Variants in RALYL observed in about 807,000 individuals in gnomAD.
RALYL encodes RALY RNA binding protein like.
In RALYL, 29 loss-of-function variants were observed where a neutral mutation model predicts 35.1. That is an observed-to-expected ratio of 0.83 (90% CI 0.61 to 1.13). The LOEUF (loss-of-function observed/expected upper bound fraction) is 1.13. RALYL is among the 50% of genes most tolerant of loss of function. The probability of loss-of-function intolerance (pLI) is 0.00; values close to 1 mark genes in which losing one functional copy is unlikely to be tolerated. For synonymous variants in RALYL, 120 were observed against 127.6 expected (o/e 0.94, Z 0.40); for missense variants, 359 against 360.4 (o/e 1.00, Z 0.03).
chr8:84,377,952 T>G (rs1200129948), intron 1 of RALYL, among the ~76,000 whole-genome samples: 2 of 152,024 alleles, frequency 1.3e-5, no homozygotes, highest in East Asian at 1.9e-4. Flanking sequence ...TGTGAAATTT[T>G]CCTATGATTT....
chr8:84,361,954 T>C (rs1047177312), intron 1 of RALYL, among the ~76,000 whole-genome samples: 1 of 152,132 alleles, frequency 6.6e-6, no homozygotes, highest in Non-Finnish European at 1.5e-5. Flanking sequence ...AAATACTGAA[T>C]CTCTGCTCCT....
intron 1 of RALYL, among the ~76,000 whole-genome samples, chr8:84,204,761 C>T (rs955626016): frequency 2.6e-5 from 4 of 152,132 alleles, no homozygotes; most frequent in African/African-American, 9.7e-5. Flanking sequence ...TTTATATAAT[C>T]ATTCCAAAAA....
At chr8:84,496,273 TG>T (rs1159185813) in intron 1 of RALYL, among the ~76,000 whole-genome samples, 1 of 152,138 alleles carries the variant, frequency 6.6e-6, no homozygotes, top group Non-Finnish European at 1.5e-5. Flanking sequence ...CTCATCTACA[TG>T]TGAATAAGCA....
chr8:84,301,546 T>C lies in RALYL; in HGVS notation c.-24+117122T>C, dbSNP rs568024940. ...TAGTGCGAGGCCATAAAAATGACTG[T>C]ATGTTGAAACTCACAACGTGATCTT... On this transcript the variant is annotated intron_variant, in intron 1 of 8. Coordinates refer to ENST00000521268, the MANE Select transcript of RALYL (RefSeq NM_173848.7). 2.6e-5 allele frequency among the ~76,000 whole-genome samples: 4 copies of C among 152,220 alleles called. No homozygotes were observed. In the East Asian group the frequency reaches 7.7e-4, roughly 29 times the overall value.
chr8:84,223,173 C>T (rs1271118698), intron 1 of RALYL, among the ~76,000 whole-genome samples: 3 of 85,540 alleles, frequency 3.5e-5, no homozygotes, highest in African/African-American at 1.5e-4. Context: ...TTCCTCCCTT[C>T]CCTTCCCTTC....
At chr8:84,647,426 A>C (rs1012530799) in intron 2 of RALYL, among the ~76,000 whole-genome samples, 1 of 152,096 alleles carries the variant, frequency 6.6e-6, no homozygotes, top group Non-Finnish European at 1.5e-5. Context: ...GGACTGAATA[A>C]ACATGCCTGA....
At chr8:84,793,479 T>C (rs1431896069) in intron 3 of RALYL, among the ~76,000 whole-genome samples, 3 of 152,180 alleles carry the variant, frequency 2.0e-5, no homozygotes, top group Non-Finnish European at 4.4e-5. Flanking sequence ...AAACAAGACT[T>C]TGAATCCATC....
At chr8:84,377,519 A>G (rs1389472586) in intron 1 of RALYL, among the ~76,000 whole-genome samples, 1 of 131,606 alleles carries the variant, frequency 7.6e-6, no homozygotes, top group Non-Finnish European at 1.5e-5. Flanking sequence ...AGATGATACC[A>G]CTTTCATAGC....
At chr8:84,816,461 T>C (rs1040149413) in intron 4 of RALYL, among the ~76,000 whole-genome samples, 3 of 152,204 alleles carry the variant, frequency 2.0e-5, no homozygotes, top group African/African-American at 7.2e-5. Context: ...TTTTCATAAG[T>C]AGCTTTATAT....
At chr8:84,824,247 C>A (rs1829153654) in intron 4 of RALYL, among the ~76,000 whole-genome samples, 1 of 125,126 alleles carries the variant, frequency 8.0e-6, no homozygotes, top group African/African-American at 3.1e-5. Flanking sequence ...AATGTAATCC[C>A]ATTTACAATA....
At chr8:84,503,856 T>A (rs2056930515) in intron 1 of RALYL, among the ~76,000 whole-genome samples, 1 of 137,984 alleles carries the variant, frequency 7.2e-6, no homozygotes, top group Non-Finnish European at 1.6e-5. Flanking sequence ...AGAGCAAGAC[T>A]CTGTCTCAAA....
At chr8:84,259,901 G>A (rs937693226) in intron 1 of RALYL, among the ~76,000 whole-genome samples, 6 of 152,156 alleles carry the variant, frequency 3.9e-5, no homozygotes, top group African/African-American at 1.2e-4. Flanking sequence ...CAAGAACGGA[G>A]ACCAGGCTGT....
At chr8:84,509,732 T>G (rs1218779087) in intron 1 of RALYL, among the ~76,000 whole-genome samples, 1 of 152,186 alleles carries the variant, frequency 6.6e-6, no homozygotes, top group East Asian at 1.9e-4. Flanking sequence ...ATTTTTTGTA[T>G]GTAGGTGTCC....
chr8:84,912,902 CT>C (rs1222187451), intron 8 of RALYL, among the ~76,000 whole-genome samples: 2 of 151,828 alleles, frequency 1.3e-5, no homozygotes, highest in Non-Finnish European at 2.9e-5. Flanking sequence ...TTCTTTGTGT[CT>C]CAGGATTCTC....
chr8:84,580,995 T>C (rs1810695910), intron 2 of RALYL, among the ~76,000 whole-genome samples: 1 of 152,176 alleles, frequency 6.6e-6, no homozygotes, highest in Non-Finnish European at 1.5e-5. Flanking sequence ...CTGGGTTAAC[T>C]TAAAGACAAG....
At chr8:84,252,521 T>C (rs998658423) in intron 1 of RALYL, among the ~76,000 whole-genome samples, 1 of 152,146 alleles carries the variant, frequency 6.6e-6, no homozygotes, top group Non-Finnish European at 1.5e-5. Flanking sequence ...CGCAGACCTA[T>C]TCTGAAGGCA....
chr8:84,413,351 A>G (rs1313321207), intron 1 of RALYL, among the ~76,000 whole-genome samples: 1 of 151,554 alleles, frequency 6.6e-6, no homozygotes, highest in Non-Finnish European at 1.5e-5. Context: ...ATTTGGAAAC[A>G]TTTTGGTTAT....
chr8:84,699,485 A>C (rs142776250), intron 2 of RALYL, among the ~76,000 whole-genome samples: 8 of 152,194 alleles, frequency 5.3e-5, no homozygotes, highest in African/African-American at 1.7e-4. Flanking sequence ...GTATCTTGTG[A>C]GGGCCTTCTT....
chr8:84,839,189 T>G (rs1832664186), intron 4 of RALYL, among the ~76,000 whole-genome samples: 2 of 152,262 alleles, frequency 1.3e-5, no homozygotes, highest in South Asian at 4.1e-4. Context: ...CCCCGGGAAG[T>G]GCAAGAGGTC....
Sources: gnomAD v4.1 joint callset for allele counts (sites outside exome capture counted in the v4.1 genomes callset) on GRCh38, gnomAD v4.1.1 for gene constraint, MANE v1.5 for transcripts, NCBI Gene and HGNC (gene_info 2026-07-23, HGNC 2026-07-21) for gene names.